The following ZYG11B variants were observed in gnomAD, a reference collection of about 807,000 sequenced individuals.
ZYG11B encodes the protein zyg-11 family member B, cell cycle regulator, also known as protein zyg-11 homolog B.
Under a neutral mutation model 82.4 loss-of-function variants are expected in ZYG11B, and 36 were observed. The ratio of observed to expected loss-of-function variants is 0.44; its 90% CI spans 0.33 to 0.58. The LOEUF (loss-of-function observed/expected upper bound fraction) is 0.58. ZYG11B is among the 20% of genes least tolerant of loss of function. The pLI is 0.02. For synonymous variants in ZYG11B, 303 were observed against 312.8 expected (o/e 0.97, Z 0.33); for missense variants, 552 against 895.6 (o/e 0.62, Z 4.90).
At chr1:52,775,956 C>T (rs1273372576) in intron 3 of ZYG11B, among the ~76,000 whole-genome samples, 1 of 151,868 alleles carries the variant, frequency 6.6e-6, no homozygotes, top group Non-Finnish European at 1.5e-5. Context: ...TGGCTCACGC[C>T]TGTAATCCCA....
At chr1:52,741,431 G>A in intron 1 of ZYG11B, among the ~76,000 whole-genome samples, 1 of 152,024 alleles carries the variant, frequency 6.6e-6, no homozygotes, top group Middle Eastern at 3.2e-3. Flanking sequence ...ATAGGTACCT[G>A]TGAACTCAAA....
chr1:52,778,951 A>T (rs1644832093), intron 3 of ZYG11B, among the ~76,000 whole-genome samples: 1 of 152,152 alleles, frequency 6.6e-6, no homozygotes, highest in African/African-American at 2.4e-5. Flanking sequence ...CTATTGTGGT[A>T]CAATGGTGAA....
chr1:52,773,621 A>ATATATT (rs1644775642), intron 3 of ZYG11B, among the ~76,000 whole-genome samples: 1 of 25,980 alleles, frequency 3.8e-5, no homozygotes, highest in Non-Finnish European at 7.8e-5. Flanking sequence ...ATATATATAT[A>ATATATT]TATATATTTT....
chr1:52,817,777 G>GTTTATATA (rs1352242565), intron 13 of ZYG11B, among the ~76,000 whole-genome samples: 1 of 41,538 alleles, frequency 2.4e-5, no homozygotes. Flanking sequence ...ATATATATGT[G>GTTTATATA]TATATATATA....
At chr1:52,784,795 A>G (rs939835978) in intron 4 of ZYG11B, 82 bp from the exon 5 acceptor site, 37 of 1,446,656 alleles carry the variant, frequency 2.6e-5, no homozygotes, top group African/African-American at 5.7e-5. Flanking sequence ...TGAAATTACT[A>G]TAGACCAACA....
chr1:52,752,897 G>C (rs956407668), intron 1 of ZYG11B, among the ~76,000 whole-genome samples: 6 of 152,010 alleles, frequency 3.9e-5, no homozygotes, highest in African/African-American at 1.5e-4. Context: ...GCCCAGGCTG[G>C]AGTGCAGCAG....
At position 52,771,585 on chromosome 1, in the gene ZYG11B, A is replaced by G; in HGVS notation, c.762A>G (p.Ile254Met). Reference sequence around the variant, plus strand: ...ATGATAAACAGTTTACATCAGACATAGCTCTTCGCTTACTAGAACAAAAAG... The same window carrying G: ...ATGATAAACAGTTTACATCAGACATGGCTCTTCGCTTACTAGAACAAAAAG... ...ISDDKQFTSD[I>M]ALRLLEQKDI... The change falls in exon 3 of 14, where the codon ATA becomes ATG. Residue 254 changes from isoleucine to methionine, a missense_variant. Transcript: ENST00000294353. This position sits in a 1 kb window ranked among gnomAD's most constrained non-coding sequence, Gnocchi z 5.4. 1.9e-6 allele frequency: 3 copies of G among 1,614,236 alleles called. No homozygotes were observed. The highest frequency in any genetic ancestry group is 8.5e-7 in the Non-Finnish European group (1 of 1,180,048).
intron 1 of ZYG11B, among the ~76,000 whole-genome samples, chr1:52,741,359 GA>G (rs1207697632): frequency 1.5e-5 from 2 of 136,026 alleles, no homozygotes; most frequent in African/African-American, 5.4e-5. Context: ...AAACAACTAA[GA>G]GGAGATTTTC....
In ZYG11B at chr1:52,779,999, A is replaced by C; in HGVS notation, c.1092+6A>C. 1.9e-6 allele frequency: 3 copies of C among 1,608,388 alleles called. No homozygotes were observed. Among genetic ancestry groups the C allele is most frequent in the Non-Finnish European group, 2.5e-6 (3 of 1,178,342 alleles). ...CAAAGCCAGAAATTTTAAAGGTAAG[A>C]ATAAGAAACTGGATATGAAATTTTT... On this transcript the variant is annotated splice_donor_region_variant and intron_variant, in intron 4 of 13. Coordinates refer to ENST00000294353, the MANE Select transcript of ZYG11B (RefSeq NM_024646.3).
intron 3 of ZYG11B, among the ~76,000 whole-genome samples, chr1:52,778,514 ACG>A (rs1644828052): frequency 6.6e-6 from 1 of 152,198 alleles, no homozygotes; most frequent in Non-Finnish European, 1.5e-5. Context: ...AATTAGACTT[ACG>A]TTAGATCCCT....
At chr1:52,734,807 C>T (rs1178108432) in intron 1 of ZYG11B, among the ~76,000 whole-genome samples, 1 of 152,008 alleles carries the variant, frequency 6.6e-6, no homozygotes, top group African/African-American at 2.4e-5. Context: ...GGGCTCAACA[C>T]AACGTCCACC....
chr1:52,804,519 A>G (rs968932230), intron 10 of ZYG11B, among the ~76,000 whole-genome samples: 2 of 152,132 alleles, frequency 1.3e-5, no homozygotes, highest in African/African-American at 4.8e-5. Context: ...AGGCTGAGGC[A>G]TGAGAATCGC....
In ZYG11B at chr1:52,826,407, T is replaced by A. The variant is rs1216216717; in HGVS notation, c.*4778T>A. The A allele has an allele frequency of 6.6e-6, 1 of 152,246 alleles. No homozygotes were observed. The highest frequency in any genetic ancestry group is 6.5e-5 in the Admixed American group (1 of 15,278). 9.4% of individuals were successfully genotyped at this position (152,246 alleles called of 1,614,324 possible). A position where few individuals can be genotyped will look rare whatever the true frequency, so the allele number is the denominator to read the frequency against. ...CTCACGAACTGTTTTATTTTAGGAA[T>A]AATGCAAAACCAACCTTCGTCCGGT... On this transcript the variant is annotated 3_prime_UTR_variant, in exon 14 of 14. Transcript: ENST00000294353.
intron 1 of ZYG11B, among the ~76,000 whole-genome samples, chr1:52,752,590 C>G (rs1028584897): frequency 2.6e-5 from 4 of 152,146 alleles, no homozygotes; most frequent in Non-Finnish European, 5.9e-5. Context: ...AACATGAGGC[C>G]CTCCTCAGGG....
At chr1:52,787,798 TA>T (rs34726355) in intron 5 of ZYG11B, among the ~76,000 whole-genome samples, 84,807 of 148,550 alleles carry the variant, frequency 0.57, 25,517 homozygotes, top group East Asian at 0.8. Context: ...ACAACTCAAT[TA>T]AAAAAAAAAA....
chr1:52,781,387 T>C (rs1419596805), intron 4 of ZYG11B, among the ~76,000 whole-genome samples: 1 of 151,980 alleles, frequency 6.6e-6, no homozygotes, highest in Non-Finnish European at 1.5e-5. Flanking sequence ...TAGTCCCAGC[T>C]ACATGGGACA....
chr1:52,810,140 G>A (rs1571798913), intron 10 of ZYG11B, among the ~76,000 whole-genome samples: 1 of 152,098 alleles, frequency 6.6e-6, no homozygotes. Flanking sequence ...CCAGAGCAGT[G>A]GTCAGGCTAT....
chr1:52,753,386 T>C (rs1342153416), intron 1 of ZYG11B, among the ~76,000 whole-genome samples: 2 of 151,610 alleles, frequency 1.3e-5, no homozygotes, highest in African/African-American at 2.4e-5. Flanking sequence ...TTATTGTCCA[T>C]GGTTGTTCTT....
chr1:52,776,915 G>A (rs1363879401), intron 3 of ZYG11B, among the ~76,000 whole-genome samples: 3 of 152,118 alleles, frequency 2.0e-5, no homozygotes, highest in Non-Finnish European at 4.4e-5. Flanking sequence ...GTTTAAAGAA[G>A]TAAAGTAATG....
Sources: allele counts gnomAD v4.1 joint callset (sites outside exome capture counted in the v4.1 genomes callset), GRCh38; gene constraint gnomAD v4.1.1; non-coding constraint Gnocchi (gnomAD v3.1); transcripts MANE v1.5; gene names NCBI Gene and HGNC (gene_info 2026-07-23, HGNC 2026-07-21).